The following SLC44A5 variants were observed in gnomAD, a reference collection of about 807,000 sequenced individuals.
SLC44A5 encodes solute carrier family 44 member 5.
Under a neutral mutation model 101.8 loss-of-function variants are expected in SLC44A5, and 57 were observed. That is an observed-to-expected ratio of 0.56 (90% confidence interval 0.45 to 0.70). The LOEUF (loss-of-function observed/expected upper bound fraction) is 0.70. Among genes scored for constraint, SLC44A5 ranks in the 30% least tolerant of loss-of-function variants. The pLI, the probability that SLC44A5 is intolerant of heterozygous loss-of-function variation, is 0.00. For synonymous variants in SLC44A5, 281 were observed against 290.9 expected (o/e 0.97, Z 0.35); for missense variants, 737 against 853.1 (o/e 0.86, Z 1.70).
intron 8 of SLC44A5, 23 bp downstream of exon 8, chr1:75,242,863 G>A (rs1648759922): frequency 1.3e-6 from 2 of 1,549,480 alleles, no homozygotes; most frequent in Non-Finnish European, 1.7e-6. Flanking sequence ...TTGTTCTCTT[G>A]CTTTAAGCTT....
chr1:75,249,890 T>C (rs1649417684), intron 7 of SLC44A5, among the ~76,000 whole-genome samples: 1 of 152,196 alleles, frequency 6.6e-6, no homozygotes, highest in Non-Finnish European at 1.5e-5. Flanking sequence ...ATTTGTTCCA[T>C]GGTATAGAAA....
chr1:75,448,968 C>G (rs149632312), intron 2 of SLC44A5, among the ~76,000 whole-genome samples: 1 of 152,138 alleles, frequency 6.6e-6, no homozygotes, highest in South Asian at 2.1e-4. Flanking sequence ...TTTGCCTTCT[C>G]TTTCTCAACC....
chr1:75,604,822 C>T (rs211696), intron 1 of SLC44A5, among the ~76,000 whole-genome samples: 101,819 of 151,766 alleles, frequency 0.67, 34,493 homozygotes, highest in East Asian at 0.84. Flanking sequence ...TCAGCTTGAA[C>T]ATTATTGGTG....
chr1:75,315,203 A>G (rs1201361925), intron 4 of SLC44A5, among the ~76,000 whole-genome samples: 1 of 152,162 alleles, frequency 6.6e-6, no homozygotes, highest in Non-Finnish European at 1.5e-5. Flanking sequence ...AGAAAGGGAA[A>G]CAGAAAACTG....
chr1:75,651,887 G>A, the SLC44A5 span, among the ~76,000 whole-genome samples: 1 of 151,966 alleles, frequency 6.6e-6, no homozygotes, highest in Non-Finnish European at 1.5e-5. Context: ...TTGTGATCGG[G>A]CAGTTGTTAA....
chr1:75,329,182 C>A (rs1656834262), intron 4 of SLC44A5, among the ~76,000 whole-genome samples: 1 of 152,168 alleles, frequency 6.6e-6, no homozygotes, highest in Non-Finnish European at 1.5e-5. Context: ...ACTCTAGACT[C>A]CTCCCTGCTG....
chr1:75,388,360 A>C (rs1012438812), intron 3 of SLC44A5, among the ~76,000 whole-genome samples: 1 of 152,108 alleles, frequency 6.6e-6, no homozygotes, highest in Non-Finnish European at 1.5e-5. Context: ...CCACAAAAAC[A>C]CATAAGTACA....
chr1:75,510,057 A>T (rs1669480873), intron 2 of SLC44A5, among the ~76,000 whole-genome samples: 1 of 152,174 alleles, frequency 6.6e-6, no homozygotes, highest in African/African-American at 2.4e-5. Flanking sequence ...AAACCATCAG[A>T]TCTCATGAGA....
At chr1:75,357,544 G>A (rs536669829) in intron 3 of SLC44A5, among the ~76,000 whole-genome samples, 1 of 152,264 alleles carries the variant, frequency 6.6e-6, no homozygotes, top group East Asian at 1.9e-4. Context: ...AGTGCTTAAA[G>A]AGGAAACACA....
upstream of SLC44A5, among the ~76,000 whole-genome samples, chr1:75,615,270 G>A (rs1332613743): frequency 6.6e-6 from 1 of 152,068 alleles, no homozygotes; most frequent in African/African-American, 2.4e-5. Flanking sequence ...GCAGGGAAAA[G>A]GAGAGGCAGC....
At chr1:75,377,222 AC>A (rs1358281205) in intron 3 of SLC44A5, among the ~76,000 whole-genome samples, 3 of 133,558 alleles carry the variant, frequency 2.2e-5, no homozygotes, top group Non-Finnish European at 3.2e-5. Context: ...CTTACCCCCA[AC>A]CCCGTGCTCT....
chr1:75,237,025 C>T lies in SLC44A5; in HGVS notation c.702G>A (p.Val234=), dbSNP rs1216898816. The T allele has an allele frequency of 6.2e-7, 1 of 1,603,338 alleles. No individual in the cohort carries two copies. The highest frequency in any genetic ancestry group is 1.3e-5 in the African/African-American group (1 of 74,752). Residue 234 remains valine, a synonymous_variant, in exon 11 of 24, where the codon GTG becomes GTA. Coordinates refer to ENST00000370859, the MANE Select transcript of SLC44A5 (RefSeq NM_001130058.2). Reference sequence around the variant, plus strand: ...ACCAAGTTCTTGCATAGTCTTCAAACACTTTCAATCCAAGTGACTTTGCAT... The same window carrying T: ...ACCAAGTTCTTGCATAGTCTTCAAATACTTTCAATCCAAGTGACTTTGCAT... The part of the protein sequence containing the change: ...LLDAKSLGLK[V]FEDYARTWYW...
At chr1:75,550,973 G>A (rs56654830) in intron 1 of SLC44A5, among the ~76,000 whole-genome samples, 1 of 152,206 alleles carries the variant, frequency 6.6e-6, no homozygotes, top group African/African-American at 2.4e-5. Context: ...TATTAATAGT[G>A]TCTATCTAAG....
the SLC44A5 span, among the ~76,000 whole-genome samples, chr1:75,668,452 G>GTAGCTAGGATTACAGGTATA: frequency 1.3e-4 from 19 of 147,454 alleles, no homozygotes; most frequent in Admixed American, 1.1e-3. Flanking sequence ...AGCCTCCCGA[G>GTAGCTAGGATTACAGGTATA]TAGCTAGGAT....
At chr1:75,386,167 C>T (rs1285965170) in intron 3 of SLC44A5, among the ~76,000 whole-genome samples, 3 of 151,998 alleles carry the variant, frequency 2.0e-5, no homozygotes, top group South Asian at 2.1e-4. Context: ...GATGCCCTCT[C>T]TCACCACTCC....
chr1:75,353,096 T>TGGCC (rs1329282407), intron 3 of SLC44A5, among the ~76,000 whole-genome samples: 7 of 152,170 alleles, frequency 4.6e-5, no homozygotes, highest in Non-Finnish European at 8.8e-5. Context: ...TAGATTCATA[T>TGGCC]GGCCATATGT....
At chr1:75,684,533 A>G in the SLC44A5 span, among the ~76,000 whole-genome samples, 1 of 152,034 alleles carries the variant, frequency 6.6e-6, no homozygotes, top group Non-Finnish European at 1.5e-5. Flanking sequence ...GAAATTGGCC[A>G]ATTTCAAAGT....
intron 7 of SLC44A5, among the ~76,000 whole-genome samples, chr1:75,249,702 G>T (rs575730656): frequency 6.6e-6 from 1 of 152,314 alleles, no homozygotes; most frequent in Non-Finnish European, 1.5e-5. Flanking sequence ...TACATGTAGT[G>T]TCAAGACTTG....
At chr1:75,351,868 A>AAAG (rs1553165361) in intron 3 of SLC44A5, among the ~76,000 whole-genome samples, 26 of 58,522 alleles carry the variant, frequency 4.4e-4, no homozygotes, top group South Asian at 7.8e-4. Context: ...AAAAAAAAAA[A>AAAG]AGAGAGAGAG....
Sources: allele counts gnomAD v4.1 joint callset (sites outside exome capture counted in the v4.1 genomes callset), GRCh38; gene constraint gnomAD v4.1.1; transcripts MANE v1.5; gene names NCBI Gene and HGNC (gene_info 2026-07-23, HGNC 2026-07-21).